Variants in SDK1 observed in about 807,000 individuals in gnomAD.
SDK1 encodes the protein sidekick cell adhesion molecule 1.
A neutral mutation model predicts 245.5 loss-of-function variants in SDK1; 157 were observed. The ratio of observed to expected loss-of-function variants is 0.64; its 90% confidence interval spans 0.56 to 0.73. The LOEUF (loss-of-function observed/expected upper bound fraction) is 0.73, where lower values mean the gene tolerates loss of function less well. Among genes scored for constraint, SDK1 ranks in the 30% least tolerant of loss-of-function variants. The pLI is 0.00. For missense variants in SDK1, 3,583 were observed against 3,002.3 expected, an observed-to-expected ratio of 1.19 and a Z score of -4.52; for synonymous variants, 1,647 against 1,278.5, an observed-to-expected ratio of 1.29 and a Z score of -6.15.
chr7:3,821,245 TGGGGCTGC>T (rs1370918007), intron 4 of SDK1, among the ~76,000 whole-genome samples, 197 bp from the exon 5 acceptor site: 28 of 116,892 alleles, frequency 2.4e-4, no homozygotes, highest in African/African-American at 1.5e-3. Flanking sequence ...GCTCAGACAC[TGGGGCTGC>T]AGTGTGCCAG....
intron 22 of SDK1, among the ~76,000 whole-genome samples, chr7:4,086,408 G>A (rs777389311): frequency 2.0e-5 from 3 of 152,144 alleles, no homozygotes; most frequent in Non-Finnish European, 2.9e-5. Context: ...TGTTTCTTCC[G>A]GAAGCTCTGG....
chr7:3,572,525 G>C (rs1327601009), intron 1 of SDK1, among the ~76,000 whole-genome samples: 1 of 152,034 alleles, frequency 6.6e-6, no homozygotes, highest in African/African-American at 2.4e-5. Flanking sequence ...GCGAGAAAGA[G>C]CAAAGATTAA....
At chr7:3,620,705 C>T (rs965065639) in intron 2 of SDK1, among the ~76,000 whole-genome samples, 2 of 152,104 alleles carry the variant, frequency 1.3e-5, no homozygotes, top group African/African-American at 4.8e-5. Flanking sequence ...GTCTGCAGCC[C>T]CAATCAGGAG....
chr7:3,764,407 C>T (rs531004176), intron 4 of SDK1, among the ~76,000 whole-genome samples: 13 of 152,154 alleles, frequency 8.5e-5, no homozygotes, highest in Admixed American at 2.0e-4. Context: ...CATCCTAGGC[C>T]GGGCACAGTG....
chr7:4,056,246 A>G (rs1779188589), intron 19 of SDK1, among the ~76,000 whole-genome samples: 1 of 151,620 alleles, frequency 6.6e-6, no homozygotes, highest in African/African-American at 2.4e-5. Flanking sequence ...ACATCTTTGT[A>G]AATGTCAAAT....
chr7:4,006,315 G>C (rs1282973695), intron 14 of SDK1, among the ~76,000 whole-genome samples: 4 of 152,206 alleles, frequency 2.6e-5, no homozygotes, highest in Non-Finnish European at 5.9e-5. Context: ...CCTGGCTGGG[G>C]AAGTGTAAAA....
intron 35 of SDK1, among the ~76,000 whole-genome samples, chr7:4,183,506 A>T (rs1012522033): frequency 2.0e-5 from 3 of 152,024 alleles, no homozygotes; most frequent in Non-Finnish European, 4.4e-5. Context: ...ATGGTGGTGC[A>T]TGCCTGTAAC....
At chr7:3,854,501 G>T (rs888748408) in intron 5 of SDK1, among the ~76,000 whole-genome samples, 1 of 152,134 alleles carries the variant, frequency 6.6e-6, no homozygotes, top group Non-Finnish European at 1.5e-5. Flanking sequence ...AGTGCTAAAG[G>T]TGATCTGATT....
At chr7:4,104,534 T>A (rs1023686913) in intron 22 of SDK1, among the ~76,000 whole-genome samples, 1 of 152,234 alleles carries the variant, frequency 6.6e-6, no homozygotes, top group Non-Finnish European at 1.5e-5. Flanking sequence ...GCTGGTTTTA[T>A]TTCTAACTTT....
chr7:3,975,591 T>C (rs1782859650), intron 13 of SDK1, among the ~76,000 whole-genome samples: 1 of 152,246 alleles, frequency 6.6e-6, no homozygotes, highest in Non-Finnish European at 1.5e-5. Flanking sequence ...GTGCTAAGCA[T>C]GTGGCTTCTG....
chr7:4,052,448 T>C (rs1290293525), intron 19 of SDK1, among the ~76,000 whole-genome samples: 1 of 152,080 alleles, frequency 6.6e-6, no homozygotes, highest in Non-Finnish European at 1.5e-5. Flanking sequence ...AGCATTCAGA[T>C]GTTCCAGATG....
intron 22 of SDK1, among the ~76,000 whole-genome samples, chr7:4,081,086 A>G (rs536841949): frequency 6.6e-6 from 1 of 152,320 alleles, no homozygotes; most frequent in South Asian, 2.1e-4. Context: ...ACGATGCCGC[A>G]TAGCTGAGGC....
At chr7:3,348,927 A>C (rs1780580827) in intron 1 of SDK1, among the ~76,000 whole-genome samples, 2 of 152,172 alleles carry the variant, frequency 1.3e-5, no homozygotes, top group African/African-American at 4.8e-5. Flanking sequence ...CTGTCACATG[A>C]AAGAGTTTGA....
At chr7:3,507,033 C>T (rs183860735) in intron 1 of SDK1, among the ~76,000 whole-genome samples, 4 of 152,046 alleles carry the variant, frequency 2.6e-5, no homozygotes, top group East Asian at 1.9e-4. Context: ...CTCTTCAAGC[C>T]GGGGTTTTGA....
Position 4,266,961 on chromosome 7 carries a change from C to G in SDK1, c.*1577C>G. The G allele has an allele frequency of 1.0e-6, 1 of 985,486 alleles. No homozygotes were observed. The highest frequency in any genetic ancestry group is 5.2e-4 in the Middle Eastern group (1 of 1,914). 61.0% of individuals were successfully genotyped at this position (985,486 alleles called of 1,614,324 possible). On this transcript the variant is annotated 3_prime_UTR_variant, in exon 45 of 45. Coordinates refer to ENST00000404826, the MANE Select transcript of SDK1 (RefSeq NM_152744.4). Reference sequence around the variant, plus strand: ...GTATCTGACCAGTGCCACCCAGGAGCCAGTCTCCTGGCCACATGCAGAAAG... The same window carrying G: ...GTATCTGACCAGTGCCACCCAGGAGGCAGTCTCCTGGCCACATGCAGAAAG...
Position 4,267,066 on chromosome 7 carries a change from G to C in SDK1, c.*1682G>C, listed in dbSNP as rs947661459. 9 of 985,416 alleles carry C rather than the reference G, an allele frequency of 9.1e-6. No individual in the cohort carries two copies. In the African/African-American group the frequency reaches 1.6e-4, roughly 17 times the overall value. The allele number at this position is 985,416 out of a possible 1,614,324, so 61.0% of individuals were successfully genotyped here. ...ATATTGCCTGGATTCTGTGCTGTCA[G>C]CGTTGCTGAGTATGGCCCCAGGAGA... On this transcript the variant is annotated 3_prime_UTR_variant, in exon 45 of 45. Coordinates refer to ENST00000404826, the MANE Select transcript of SDK1 (RefSeq NM_152744.4).
At chr7:3,683,100 G>T (rs1324056799) in intron 4 of SDK1, among the ~76,000 whole-genome samples, 2 of 152,110 alleles carry the variant, frequency 1.3e-5, no homozygotes, top group African/African-American at 2.4e-5. Context: ...ACCGAGCAAG[G>T]CATTTACGCT....
intron 4 of SDK1, among the ~76,000 whole-genome samples, chr7:3,797,555 T>G (rs1225210127): frequency 6.6e-6 from 1 of 152,092 alleles, no homozygotes; most frequent in Non-Finnish European, 1.5e-5. Context: ...ACTCTATGTT[T>G]TCATACTTAA....
At chr7:3,611,670 TA>T (rs1309630066) in intron 1 of SDK1, among the ~76,000 whole-genome samples, 1 of 152,178 alleles carries the variant, frequency 6.6e-6, no homozygotes, top group Non-Finnish European at 1.5e-5. Flanking sequence ...AGCAGCAGTG[TA>T]AAAGTGTTCC....
Sources: gnomAD v4.1 joint callset for allele counts (sites outside exome capture counted in the v4.1 genomes callset) on GRCh38, gnomAD v4.1.1 for gene constraint, MANE v1.5 for transcripts, NCBI Gene and HGNC (gene_info 2026-07-23, HGNC 2026-07-21) for gene names.